Variants in GALNT13 observed in about 807,000 individuals in gnomAD.
GALNT13 encodes polypeptide N-acetylgalactosaminyltransferase 13.
Under a neutral mutation model 64.2 loss-of-function variants are expected in GALNT13, and 28 were observed. The observed-to-expected ratio is 0.44, with a 90% CI of 0.32 to 0.60. The LOEUF (loss-of-function observed/expected upper bound fraction) is 0.60, where lower values mean the gene tolerates loss of function less well. GALNT13 is among the 20% of genes least tolerant of loss of function. GALNT13 has a pLI of 0.05. For missense variants in GALNT13, 577 were observed against 669.8 expected (o/e 0.86, Z 1.53); for synonymous variants, 214 against 224.6 (o/e 0.95, Z 0.42).
chr2:154,021,615 G>C (rs1697502941), intron 3 of GALNT13, among the ~76,000 whole-genome samples: 1 of 151,596 alleles, frequency 6.6e-6, no homozygotes, highest in South Asian at 2.1e-4. Context: ...AGACATTGGG[G>C]TTTTCTAGAT....
rs1258292113 is a variant in GALNT13, at chr2:154,008,090, G to A, written c.142+63451G>A. The stretch of plus-strand genomic sequence containing the variant: ...AATTAGAATCTCATTACAGTTGGTT[G>A]GGTCAACTAAAATTTTTCTCTCATA... On this transcript the variant is annotated intron_variant, in intron 3 of 12. Coordinates refer to ENST00000392825, the MANE Select transcript of GALNT13 (RefSeq NM_052917.4). 2.0e-5 allele frequency among the ~76,000 whole-genome samples: 3 copies of A among 152,052 alleles called. No individual in the cohort carries two copies. The East Asian group carries it at 5.8e-4, about 29-fold the overall frequency.
At chr2:153,669,901 T>A in the GALNT13 span, among the ~76,000 whole-genome samples, 1 of 145,820 alleles carries the variant, frequency 6.9e-6, no homozygotes, top group Non-Finnish European at 1.5e-5. Flanking sequence ...CCCTCATGCA[T>A]GGAGCCTTGC....
At chr2:153,860,437 GAC>G in the GALNT13 span, among the ~76,000 whole-genome samples, 160 of 150,822 alleles carry the variant, frequency 1.1e-3, 1 homozygote, top group African/African-American at 3.7e-3. Flanking sequence ...CAAATCAGTT[GAC>G]TTCTATCCTC....
At chr2:153,145,002 A>G in the GALNT13 span, among the ~76,000 whole-genome samples, 9 of 152,088 alleles carry the variant, frequency 5.9e-5, no homozygotes, top group African/African-American at 1.9e-4. Context: ...CTTATAATTA[A>G]TGATAGTCAC....
chr2:154,242,141 T>C lies in GALNT13; in HGVS notation c.423T>C (p.Arg141=). ...GAACTGTTTACAGTGTGATAAATCGTTCCCCACACTATCTACTCTCAGAGG... is the reference window on the plus strand; with the variant it reads ...GAACTGTTTACAGTGTGATAAATCGCTCCCCACACTATCTACTCTCAGAGG... The part of the protein sequence containing the change: ...LLRTVYSVIN[R]SPHYLLSEVI... The change falls in exon 5 of 13, where the codon CGT becomes CGC. Residue 141 remains arginine, a synonymous_variant. Coordinates refer to ENST00000392825, the MANE Select transcript of GALNT13 (RefSeq NM_052917.4). 2 of 1,613,282 alleles carry C rather than the reference T, an allele frequency of 1.2e-6. No individual in the cohort carries two copies. The highest frequency in any genetic ancestry group is 1.7e-6 in the Non-Finnish European group (2 of 1,179,560).
At chr2:153,885,054 GTAAAA>G (rs1357531107) in intron 1 of GALNT13, among the ~76,000 whole-genome samples, 2 of 150,118 alleles carry the variant, frequency 1.3e-5, no homozygotes, top group Non-Finnish European at 3.0e-5. Context: ...ATAAAATAAA[GTAAAA>G]TAAATAAAAT....
chr2:153,866,614 T>C, the GALNT13 span, among the ~76,000 whole-genome samples: 1 of 152,194 alleles, frequency 6.6e-6, no homozygotes, highest in Admixed American at 6.6e-5. Context: ...AAACTAATTA[T>C]ACTTTCTTCA....
the GALNT13 span, among the ~76,000 whole-genome samples, chr2:153,623,448 G>T: frequency 6.6e-6 from 1 of 151,952 alleles, no homozygotes; most frequent in East Asian, 1.9e-4. Context: ...TATAAATGCC[G>T]CTCCATATAA....
intron 9 of GALNT13, among the ~76,000 whole-genome samples, chr2:154,362,158 G>C (rs1230627176): frequency 1.3e-5 from 2 of 151,908 alleles, no homozygotes; most frequent in Non-Finnish European, 2.9e-5. Flanking sequence ...AAAAGAATTG[G>C]CATTAAGAAT....
At chr2:153,323,975 C>A in the GALNT13 span, among the ~76,000 whole-genome samples, 1 of 152,104 alleles carries the variant, frequency 6.6e-6, no homozygotes, top group African/African-American at 2.4e-5. Flanking sequence ...TATACAGTCT[C>A]TTTTTTGGTT....
At chr2:153,427,949 GAATA>G in the GALNT13 span, among the ~76,000 whole-genome samples, 3 of 152,236 alleles carry the variant, frequency 2.0e-5, 1 homozygote, top group Middle Eastern at 0.01. Context: ...ATTGTTAAGT[GAATA>G]AATAAGTTTG....
chr2:153,529,685 T>C, the GALNT13 span, among the ~76,000 whole-genome samples: 2 of 151,778 alleles, frequency 1.3e-5, no homozygotes, highest in East Asian at 3.9e-4. Flanking sequence ...AATTCAACGG[T>C]ATGTGGAAAA....
At chr2:153,440,723 A>G in the GALNT13 span, among the ~76,000 whole-genome samples, 5 of 152,032 alleles carry the variant, frequency 3.3e-5, no homozygotes, top group Non-Finnish European at 7.4e-5. Flanking sequence ...TTTTTTTCAT[A>G]TGTCTGTTGG....
chr2:153,875,584 G>A (rs1686308426), intron 1 of GALNT13, among the ~76,000 whole-genome samples: 1 of 152,114 alleles, frequency 6.6e-6, no homozygotes, highest in Non-Finnish European at 1.5e-5. Context: ...ATGTAATAGA[G>A]CTTGTACAGC....
At chr2:154,131,161 A>G (rs1339009518) in intron 3 of GALNT13, among the ~76,000 whole-genome samples, 1 of 152,176 alleles carries the variant, frequency 6.6e-6, no homozygotes, top group Non-Finnish European at 1.5e-5. Flanking sequence ...TAATTTTATT[A>G]TCTTAGTGAA....
chr2:153,628,234 G>A, the GALNT13 span, among the ~76,000 whole-genome samples: 2 of 151,604 alleles, frequency 1.3e-5, no homozygotes, highest in Admixed American at 6.6e-5. Flanking sequence ...ATCAGCTTAA[G>A]GAGATTTTGG....
the GALNT13 span, among the ~76,000 whole-genome samples, chr2:153,735,636 C>T: frequency 6.6e-6 from 1 of 152,242 alleles, no homozygotes; most frequent in South Asian, 2.1e-4. Flanking sequence ...GGATCATGTG[C>T]CACATTCCGT....
chr2:153,544,643 G>A, the GALNT13 span, among the ~76,000 whole-genome samples: 1 of 152,184 alleles, frequency 6.6e-6, no homozygotes. Context: ...AGGAACCCAT[G>A]ATTCAGGTAA....
At chr2:153,769,757 T>C in the GALNT13 span, among the ~76,000 whole-genome samples, 1 of 152,242 alleles carries the variant, frequency 6.6e-6, no homozygotes, top group Non-Finnish European at 1.5e-5. Flanking sequence ...GTACCATATT[T>C]CTCAAAGGAT....
Sources: gnomAD v4.1 joint callset for allele counts (sites outside exome capture counted in the v4.1 genomes callset) on GRCh38, gnomAD v4.1.1 for gene constraint, MANE v1.5 for transcripts, NCBI Gene and HGNC (gene_info 2026-07-23, HGNC 2026-07-21) for gene names.